The following GALNT17 variants were observed in gnomAD, a reference collection of about 807,000 sequenced individuals.
The protein encoded by GALNT17 is UDP-GalNAc:polypeptide N-acetylgalactosaminyltransferase-like 3.
GALNT17 carries 29 observed loss-of-function variants against 63.7 expected under a neutral mutation model. That is an observed-to-expected ratio of 0.46 (90% CI 0.34 to 0.62). GALNT17 has a LOEUF of 0.62. Ranked by LOEUF, GALNT17 falls within the 20% of genes least tolerant of loss-of-function variation. The pLI, the probability that GALNT17 is intolerant of heterozygous loss-of-function variation, is 0.01. For synonymous variants in GALNT17, 305 were observed against 318.3 expected, an observed-to-expected ratio of 0.96 and a Z score of 0.45; for missense variants, 603 against 799.6, an observed-to-expected ratio of 0.75 and a Z score of 2.97.
At chr7:71,511,259 A>G (rs962222940) in intron 5 of GALNT17, among the ~76,000 whole-genome samples, 4 of 152,120 alleles carry the variant, frequency 2.6e-5, no homozygotes, top group African/African-American at 9.7e-5. Flanking sequence ...TGCACAGACA[A>G]GGAAGTGGGA....
At chr7:71,593,334 C>T (rs534135738) in intron 6 of GALNT17, among the ~76,000 whole-genome samples, 6 of 132,858 alleles carry the variant, frequency 4.5e-5, no homozygotes, top group African/African-American at 1.5e-4. Flanking sequence ...GGCATGATCT[C>T]GGCTCATTAC....
intron 1 of GALNT17, among the ~76,000 whole-genome samples, chr7:71,328,524 T>C (rs1791743898): frequency 6.6e-6 from 1 of 152,152 alleles, no homozygotes; most frequent in Non-Finnish European, 1.5e-5. Flanking sequence ...CCCAACTTGC[T>C]CCAACGGCAA....
At chr7:71,292,872 C>T (rs976164674) in intron 1 of GALNT17, among the ~76,000 whole-genome samples, 1 of 152,122 alleles carries the variant, frequency 6.6e-6, no homozygotes, top group Non-Finnish European at 1.5e-5. Flanking sequence ...TTCCCTCCCC[C>T]CATCCTCTGG....
rs6961493 is a variant in GALNT17 at position 71,455,983 on chromosome 7, C to T, written c.962+34878C>T. 5.5e-3 allele frequency among the ~76,000 whole-genome samples: 831 copies of T among 152,276 alleles called. 8 individuals carry two copies. The highest frequency in any genetic ancestry group is 0.019 in the African/African-American group (790 of 41,556). On this transcript the variant is annotated intron_variant, in intron 5 of 10. Transcript: ENST00000333538. Reference sequence around the variant, plus strand: ...CTGTGAGGCCGGGGACGGTGGCTCACGTCTGTAATCCCAGCACTTTGGGAG... The same window carrying T: ...CTGTGAGGCCGGGGACGGTGGCTCATGTCTGTAATCCCAGCACTTTGGGAG...
chr7:71,223,912 G>A (rs1156809705), intron 1 of GALNT17, among the ~76,000 whole-genome samples: 1 of 151,990 alleles, frequency 6.6e-6, no homozygotes, highest in African/African-American at 2.4e-5. Flanking sequence ...TTTTATGGCT[G>A]CATAATATTC....
intron 2 of GALNT17, among the ~76,000 whole-genome samples, chr7:71,350,840 A>C (rs905447908): frequency 1.1e-3 from 170 of 152,286 alleles, no homozygotes; most frequent in African/African-American, 3.9e-3. Context: ...ATAAAACAGC[A>C]GCTCAAAACT....
chr7:71,396,323 A>G (rs1192977117), intron 3 of GALNT17, among the ~76,000 whole-genome samples: 1 of 152,026 alleles, frequency 6.6e-6, no homozygotes, highest in African/African-American at 2.4e-5. Context: ...AATTCTTTCT[A>G]TTTTTCTTTT....
At chr7:71,176,002 T>A (rs1385314245) in intron 1 of GALNT17, among the ~76,000 whole-genome samples, 1 of 152,156 alleles carries the variant, frequency 6.6e-6, no homozygotes, top group South Asian at 2.1e-4. Context: ...TTGTAATGGC[T>A]CAAATGTGGA....
chr7:71,429,418 C>T (rs1389066559), intron 5 of GALNT17, among the ~76,000 whole-genome samples: 2 of 152,200 alleles, frequency 1.3e-5, no homozygotes, highest in Admixed American at 1.3e-4. Flanking sequence ...AGATAGGAGG[C>T]TACCCAAAAG....
At chr7:71,363,930 A>G (rs67447773) in intron 2 of GALNT17, among the ~76,000 whole-genome samples, 71,626 of 152,082 alleles carry the variant, frequency 0.47, 17,819 homozygotes, top group East Asian at 0.88. Flanking sequence ...CATATCCAGT[A>G]AGGTTACAGT....
intron 6 of GALNT17, among the ~76,000 whole-genome samples, chr7:71,651,285 C>T (rs1039576822): frequency 8.1e-5 from 12 of 147,348 alleles, no homozygotes; most frequent in Non-Finnish European, 1.8e-4. Context: ...TCTAGACATG[C>T]CTGATCCAGG....
intron 9 of GALNT17, among the ~76,000 whole-genome samples, chr7:71,699,345 G>A (rs1016114529): frequency 6.6e-6 from 1 of 151,762 alleles, no homozygotes; most frequent in African/African-American, 2.4e-5. Flanking sequence ...TGGCATGGTG[G>A]TGCACCTGTA....
At position 71,276,339 on chromosome 7, in the gene GALNT17, A is replaced by C. The variant is rs1790680994; in HGVS notation, c.239-59211A>C. Among the ~76,000 whole-genome samples the C allele has an allele frequency of 2.0e-5, 3 of 152,330 alleles. No homozygotes were observed. The South Asian group carries it at 6.2e-4, about 32-fold the overall frequency. Reference sequence around the variant, plus strand: ...ATATTCACTCAAAGGAAAAGAAATCATTCTATTTAAAAGATACCTGCACTT... The same window carrying C: ...ATATTCACTCAAAGGAAAAGAAATCCTTCTATTTAAAAGATACCTGCACTT... On this transcript the variant is annotated intron_variant, in intron 1 of 10. Coordinates refer to ENST00000333538, the MANE Select transcript of GALNT17 (RefSeq NM_022479.3).
intron 2 of GALNT17, among the ~76,000 whole-genome samples, chr7:71,382,714 ATCT>A (rs1347421255): frequency 1.1e-4 from 16 of 152,190 alleles, no homozygotes; most frequent in Admixed American, 2.0e-4. Context: ...ATCTGGTGTA[ATCT>A]TCTTTTCCAA....
At chr7:71,215,473 A>G (rs901594268) in intron 1 of GALNT17, among the ~76,000 whole-genome samples, 14 of 152,146 alleles carry the variant, frequency 9.2e-5, no homozygotes, top group Admixed American at 8.5e-4. Flanking sequence ...ATTTCTTTTT[A>G]TCTTTATTGT....
intron 9 of GALNT17, among the ~76,000 whole-genome samples, chr7:71,692,705 TA>T (rs1306943667): frequency 6.6e-6 from 1 of 150,834 alleles, no homozygotes; most frequent in Admixed American, 6.7e-5. Flanking sequence ...TGTATGTATA[TA>T]AGTACTTTTT....
chr7:71,151,630 A>C (rs565212227), intron 1 of GALNT17, among the ~76,000 whole-genome samples: 1 of 134,628 alleles, frequency 7.4e-6, no homozygotes, highest in Admixed American at 7.4e-5. Flanking sequence ...AAAAAAAAGA[A>C]AAGAAAAAAA....
At chr7:71,588,334 T>C (rs1247048925) in intron 6 of GALNT17, among the ~76,000 whole-genome samples, 1 of 152,228 alleles carries the variant, frequency 6.6e-6, no homozygotes, top group Non-Finnish European at 1.5e-5. Context: ...ATAAGAATAC[T>C]AACAAGTTGA....
chr7:71,501,652 G>GC (rs1276165480), intron 5 of GALNT17, among the ~76,000 whole-genome samples: 1 of 152,104 alleles, frequency 6.6e-6, no homozygotes, highest in Non-Finnish European at 1.5e-5. Context: ...CCTGAGTGTT[G>GC]ATAGGGACTC....
Sources: gnomAD v4.1 joint callset for allele counts (sites outside exome capture counted in the v4.1 genomes callset) on GRCh38, gnomAD v4.1.1 for gene constraint, MANE v1.5 for transcripts, NCBI Gene and HGNC (gene_info 2026-07-23, HGNC 2026-07-21) for gene names.